UNC13C: variants seen among roughly 807,000 people sequenced by gnomAD.
UNC13C encodes the protein unc-13 homolog C.
A neutral mutation model predicts 245.4 loss-of-function variants in UNC13C; 174 were observed. That is an observed-to-expected ratio of 0.71 (90% confidence interval 0.63 to 0.80). The LOEUF (loss-of-function observed/expected upper bound fraction) is 0.80. Ranked by LOEUF, UNC13C falls within the 30% of genes least tolerant of loss-of-function variation. The probability of loss-of-function intolerance (pLI) is 0.00; values close to 1 mark genes in which losing one functional copy is unlikely to be tolerated. For synonymous variants in UNC13C, 992 were observed against 895.1 expected, an observed-to-expected ratio of 1.11 and a Z score of -1.93; for missense variants, 2,829 against 2,602.9, an observed-to-expected ratio of 1.09 and a Z score of -1.89.
intron 2 of UNC13C, among the ~76,000 whole-genome samples, chr15:54,108,256 G>T (rs1900555125): frequency 6.6e-6 from 1 of 152,012 alleles, no homozygotes; most frequent in Admixed American, 6.6e-5. Flanking sequence ...GCGCGATCTT[G>T]GCTCGCTGCA....
intron 2 of UNC13C, among the ~76,000 whole-genome samples, chr15:54,095,080 ACAT>A (rs2141142951): frequency 6.6e-6 from 1 of 152,266 alleles, no homozygotes; most frequent in African/African-American, 2.4e-5. Context: ...AAAATAATGC[ACAT>A]CATTTGTCCA....
chr15:53,898,776 TA>T, the UNC13C span, among the ~76,000 whole-genome samples: 4 of 152,180 alleles, frequency 2.6e-5, no homozygotes, highest in African/African-American at 4.8e-5. Context: ...ATTCCAATTT[TA>T]AAAAAATATA....
At chr15:54,228,308 G>A (rs1473914343) in intron 4 of UNC13C, among the ~76,000 whole-genome samples, 2 of 152,112 alleles carry the variant, frequency 1.3e-5, no homozygotes, top group African/African-American at 4.8e-5. Context: ...GCCAAGGCAT[G>A]GAATCAGGGA....
chr15:54,590,306 T>C (rs1898717210), intron 30 of UNC13C, among the ~76,000 whole-genome samples: 1 of 152,324 alleles, frequency 6.6e-6, no homozygotes, highest in Non-Finnish European at 1.5e-5. Flanking sequence ...TTTAGAATTC[T>C]TTTTTCTAGC....
At chr15:54,439,608 T>C (rs888706518) in intron 19 of UNC13C, among the ~76,000 whole-genome samples, 2 of 151,956 alleles carry the variant, frequency 1.3e-5, no homozygotes, top group Non-Finnish European at 2.9e-5. Flanking sequence ...TTTTCACATA[T>C]TTTTAGATTT....
intron 17 of UNC13C, among the ~76,000 whole-genome samples, chr15:54,385,858 A>T (rs1468564777): frequency 6.6e-6 from 1 of 152,092 alleles, no homozygotes; most frequent in East Asian, 1.9e-4. Flanking sequence ...ATAAAAGGAG[A>T]AAAAAGAATG....
intron 19 of UNC13C, among the ~76,000 whole-genome samples, chr15:54,429,615 G>T (rs1006991726): frequency 3.2e-4 from 49 of 151,662 alleles, no homozygotes; most frequent in African/African-American, 1.2e-3. Context: ...ATTGATATTT[G>T]TGAATATTTA....
At chr15:54,165,281 A>G (rs1248970222) in intron 4 of UNC13C, among the ~76,000 whole-genome samples, 1 of 152,214 alleles carries the variant, frequency 6.6e-6, no homozygotes, top group African/African-American at 2.4e-5. Flanking sequence ...TCACCTAAAG[A>G]TGTTAATAAT....
intron 30 of UNC13C, among the ~76,000 whole-genome samples, chr15:54,611,966 C>T (rs1361281628): frequency 1.3e-5 from 2 of 152,100 alleles, no homozygotes; most frequent in African/African-American, 4.8e-5. Context: ...GTCAAGTTTA[C>T]AACTGTTGCA....
intron 10 of UNC13C, among the ~76,000 whole-genome samples, chr15:54,289,492 CTA>C (rs1470091087): frequency 6.6e-6 from 1 of 152,028 alleles, no homozygotes; most frequent in Non-Finnish European, 1.5e-5. Context: ...AGAGTCAGTT[CTA>C]TGTTTTTAGA....
rs142880275 is a variant in UNC13C at position 54,061,941 on chromosome 15, G to A, written c.2983+46055G>A. 1.3e-3 allele frequency among the ~76,000 whole-genome samples: 203 copies of A among 152,280 alleles called. 3 individuals carry two copies. The highest frequency in any genetic ancestry group is 4.0e-3 in the African/African-American group (165 of 41,554). On this transcript the variant is annotated intron_variant, in intron 2 of 32. Coordinates refer to ENST00000260323, the MANE Select transcript of UNC13C (RefSeq NM_001080534.3). ...ATGCCCCTCAGAATTTGGGCAGCCC[G>A]TATCAATCATATACCAAGAACTTAA...
At chr15:53,851,114 CTG>C in the UNC13C span, among the ~76,000 whole-genome samples, 1 of 151,936 alleles carries the variant, frequency 6.6e-6, no homozygotes, top group Admixed American at 6.6e-5. Flanking sequence ...TTTAAGTAAA[CTG>C]TTTTAATATC....
the UNC13C span, among the ~76,000 whole-genome samples, chr15:53,893,369 G>T: frequency 2.0e-5 from 3 of 152,224 alleles, no homozygotes; most frequent in African/African-American, 7.2e-5. Context: ...ACCCTTAACA[G>T]AGCTTGAATG....
chr15:54,595,249 C>G (rs1367582984), intron 30 of UNC13C, among the ~76,000 whole-genome samples: 2 of 151,988 alleles, frequency 1.3e-5, no homozygotes, highest in African/African-American at 2.4e-5. Context: ...GTTATGCTCT[C>G]GGGGCCTAAG....
At chr15:54,127,324 G>A (rs929587042) in intron 2 of UNC13C, among the ~76,000 whole-genome samples, 1 of 152,150 alleles carries the variant, frequency 6.6e-6, no homozygotes, top group Non-Finnish European at 1.5e-5. Flanking sequence ...AACAATGATA[G>A]ACTGGATAAA....
chr15:54,387,571 A>T (rs1430318069), intron 17 of UNC13C, among the ~76,000 whole-genome samples: 1 of 152,138 alleles, frequency 6.6e-6, no homozygotes, highest in Non-Finnish European at 1.5e-5. Context: ...TGTGGAGAAC[A>T]AGTCCTGCTG....
intron 16 of UNC13C, 122 bp from the exon 17 acceptor site, chr15:54,338,239 G>T: frequency 8.8e-7 from 1 of 1,130,204 alleles, no homozygotes; most frequent in South Asian, 2.3e-5. Flanking sequence ...ATGGTAAGAT[G>T]ACACTTACTG....
intron 4 of UNC13C, among the ~76,000 whole-genome samples, chr15:54,220,451 T>TG (rs2035187837): frequency 1.6e-5 from 1 of 62,394 alleles, no homozygotes; most frequent in African/African-American, 6.8e-5. Context: ...TGTTGTGGGG[T>TG]AGGGGGAGGG....
intron 4 of UNC13C, among the ~76,000 whole-genome samples, chr15:54,154,964 T>C (rs2032680040): frequency 6.6e-6 from 1 of 152,212 alleles, no homozygotes; most frequent in South Asian, 2.1e-4. Context: ...TTTAAATAAA[T>C]TAGGTGCTCA....
Sources: allele counts gnomAD v4.1 joint callset (sites outside exome capture counted in the v4.1 genomes callset), GRCh38; gene constraint gnomAD v4.1.1; transcripts MANE v1.5; gene names NCBI Gene and HGNC (gene_info 2026-07-23, HGNC 2026-07-21).